Variants in PI4K2B observed in about 807,000 individuals in gnomAD.
The protein encoded by PI4K2B is phosphatidylinositol 4-kinase type 2-beta.
In PI4K2B, 46 loss-of-function variants were observed where a neutral mutation model predicts 56.6. The ratio of observed to expected loss-of-function variants is 0.81; its 90% CI spans 0.64 to 1.04. PI4K2B has a LOEUF of 1.04. Ranked by LOEUF, PI4K2B falls within the 50% of genes least tolerant of loss-of-function variation. PI4K2B has a pLI of 0.00. For missense variants in PI4K2B, 556 were observed against 607.7 expected (o/e 0.91, Z 0.89); for synonymous variants, 211 against 223.8 (o/e 0.94, Z 0.51).
At chr4:25,237,528 G>A (rs922843456) in intron 1 of PI4K2B, among the ~76,000 whole-genome samples, 4 of 152,038 alleles carry the variant, frequency 2.6e-5, no homozygotes, top group Non-Finnish European at 4.4e-5. Flanking sequence ...GCACATGCCT[G>A]GCTAATTTTG....
At chr4:25,276,461 A>T (rs1717096678) in intron 9 of PI4K2B, 1 of 214,088 alleles carries the variant, frequency 4.7e-6, no homozygotes. Context: ...TACATGGCAT[A>T]ATTTACATAT....
intron 9 of PI4K2B, among the ~76,000 whole-genome samples, chr4:25,270,368 C>T (rs1003080426): frequency 2.0e-5 from 3 of 151,580 alleles, no homozygotes; most frequent in African/African-American, 7.3e-5. Context: ...TTTTTTGAGA[C>T]AGACTCTTGC....
chr4:25,279,202 C>CTTTTTTT (rs11346220), exon 10 of PI4K2B: 20 of 97,948 alleles, frequency 2.0e-4, no homozygotes, highest in Non-Finnish European at 2.6e-4. Context: ...TAGTTTAATT[C>CTTTTTTT]TTTTTTTTTT....
chr4:25,256,854 C>T (rs1237283399), intron 4 of PI4K2B, among the ~76,000 whole-genome samples, 180 bp downstream of exon 4: 2 of 151,440 alleles, frequency 1.3e-5, no homozygotes, highest in African/African-American at 4.9e-5. Flanking sequence ...ACGGTAAGTT[C>T]AGGGAGCTCT....
Position 25,252,333 on chromosome 4 carries a change from C to G in PI4K2B, c.281C>G (p.Thr94Ser). The change falls in exon 2 of 10, where the codon ACT becomes AGT. Residue 94 changes from threonine to serine, a missense_variant. Transcript: ENST00000264864. ...SRPAVSVTIG[T>S]SEMNAFLDDP... ...CTTCTTAATGCAGTAACTATTGGTA[C>G]TTCAGAGATGAATGCATTCTTGGAT... 1 of 1,609,802 alleles carries G rather than the reference C, an allele frequency of 6.2e-7. No individual in the cohort carries two copies. The highest frequency in any genetic ancestry group is 8.5e-7 in the Non-Finnish European group (1 of 1,176,202).
At chr4:25,251,299 A>G (rs554394004) in intron 1 of PI4K2B, among the ~76,000 whole-genome samples, 1 of 152,218 alleles carries the variant, frequency 6.6e-6, no homozygotes, top group South Asian at 2.1e-4. Context: ...CTCTCCTGAG[A>G]GAGAGGATGG....
At chr4:25,238,204 T>G (rs1341899529) in intron 1 of PI4K2B, among the ~76,000 whole-genome samples, 1 of 152,186 alleles carries the variant, frequency 6.6e-6, no homozygotes, top group East Asian at 1.9e-4. Flanking sequence ...ATTTTTGAAA[T>G]TACTGAGCAG....
At chr4:25,260,634 ATATATATAC>A in intron 6 of PI4K2B, 43 bp downstream of exon 6, 1 of 53,970 alleles carries the variant, frequency 1.9e-5, no homozygotes. Flanking sequence ...ATATATATAT[ATATATATAC>A]ACACACACAC....
rs1416773255 is a variant in PI4K2B at position 25,277,890 on chromosome 4, A to G, written c.*703A>G. The G allele has an allele frequency of 1.3e-5, 2 of 152,186 alleles. No individual in the cohort carries two copies. The highest frequency in any genetic ancestry group is 4.8e-5 in the African/African-American group (2 of 41,458). 9.4% of individuals were successfully genotyped at this position (152,186 alleles called of 1,614,324 possible). A position where few individuals can be genotyped will look rare whatever the true frequency, so the allele number is the denominator to read the frequency against. ...GGGGAATAATAGAAAATTAAGGTAG[A>G]TCCCCAATATTTTGGAATACCAAAA... On this transcript the variant is annotated 3_prime_UTR_variant, in exon 10 of 10. Coordinates refer to ENST00000264864, the MANE Select transcript of PI4K2B (RefSeq NM_018323.4).
At chr4:25,273,820 C>T (rs891609138) in intron 9 of PI4K2B, among the ~76,000 whole-genome samples, 1 of 152,194 alleles carries the variant, frequency 6.6e-6, no homozygotes. Context: ...AGGCTCAAGT[C>T]CAGGCTTTCA....
At chr4:25,261,822 C>CT (rs1270330495) in intron 6 of PI4K2B, among the ~76,000 whole-genome samples, 1 of 152,144 alleles carries the variant, frequency 6.6e-6, no homozygotes, top group Non-Finnish European at 1.5e-5. Context: ...CACAAGGAAA[C>CT]TTTGGCGTGG....
chr4:25,234,472 C>A, intron 1 of PI4K2B, 41 bp downstream of exon 1: 1 of 1,233,544 alleles, frequency 8.1e-7, no homozygotes. Context: ...CCCCTCCGGG[C>A]GGCTGCCCCT....
chr4:25,239,536 T>C (rs1273110544), intron 1 of PI4K2B, among the ~76,000 whole-genome samples: 1 of 60,038 alleles, frequency 1.7e-5, no homozygotes, highest in Non-Finnish European at 7.2e-5. Flanking sequence ...CTGCGGAACC[T>C]GCCAAGCCCA....
chr4:25,249,325 G>A (rs1715931774), intron 1 of PI4K2B, among the ~76,000 whole-genome samples: 1 of 152,082 alleles, frequency 6.6e-6, no homozygotes, highest in Non-Finnish European at 1.5e-5. Flanking sequence ...GAGCTGTTGG[G>A]TACACCTCCC....
chr4:25,255,025 A>G (rs1716203892), intron 2 of PI4K2B, 40 bp from the exon 3 acceptor site: 2 of 1,305,574 alleles, frequency 1.5e-6, no homozygotes, highest in Non-Finnish European at 2.2e-6. Flanking sequence ...TTATCTATAT[A>G]TGTAAAAAGT....
chr4:25,265,149 C>T (rs551740390), intron 7 of PI4K2B, among the ~76,000 whole-genome samples: 11 of 137,540 alleles, frequency 8.0e-5, no homozygotes, highest in African/African-American at 2.3e-4. Context: ...GAGCCGAGAT[C>T]GCGCCATTGC....
At chr4:25,252,116 T>C (rs1716081481) in intron 1 of PI4K2B, among the ~76,000 whole-genome samples, 1 of 152,098 alleles carries the variant, frequency 6.6e-6, no homozygotes. Flanking sequence ...CGTGAGCCAC[T>C]GTGCCCGCCC....
chr4:25,274,701 G>A (rs546070933), intron 9 of PI4K2B, among the ~76,000 whole-genome samples: 5 of 152,046 alleles, frequency 3.3e-5, no homozygotes, highest in Non-Finnish European at 4.4e-5. Flanking sequence ...CTGAATTCCC[G>A]AAGAAATATT....
At chr4:25,245,479 T>C (rs1244510735) in intron 1 of PI4K2B, among the ~76,000 whole-genome samples, 1 of 152,118 alleles carries the variant, frequency 6.6e-6, no homozygotes, top group African/African-American at 2.4e-5. Context: ...GCTGCATGGC[T>C]TTCCTCTCTG....
Sources: allele counts gnomAD v4.1 joint callset (sites outside exome capture counted in the v4.1 genomes callset), GRCh38; gene constraint gnomAD v4.1.1; transcripts MANE v1.5; gene names NCBI Gene and HGNC (gene_info 2026-07-23, HGNC 2026-07-21).